GCC2: variants seen among roughly 807,000 people sequenced by gnomAD.
GCC2 encodes the protein GRIP and coiled-coil domain-containing protein 2.
A neutral mutation model predicts 210.6 loss-of-function variants in GCC2; 120 were observed. That is an observed-to-expected ratio of 0.57 (90% CI 0.49 to 0.66). The LOEUF (loss-of-function observed/expected upper bound fraction) is 0.66, where lower values mean the gene tolerates loss of function less well. Among genes scored for constraint, GCC2 ranks in the 30% least tolerant of loss-of-function variants. The pLI is 0.00. For synonymous variants in GCC2, 703 were observed against 652.7 expected, an observed-to-expected ratio of 1.08 and a Z score of -1.17; for missense variants, 1,868 against 1,871.9, an observed-to-expected ratio of 1.00 and a Z score of 0.04.
At chr2:108,501,232 G>T (rs60371152) in intron 22 of GCC2, among the ~76,000 whole-genome samples, 20 of 151,786 alleles carry the variant, frequency 1.3e-4, no homozygotes, top group Middle Eastern at 3.4e-3. Context: ...TGATCTGCCC[G>T]CCTTGGCCTC....
At position 108,487,661 on chromosome 2, in the gene GCC2, T is replaced by TA. The variant is rs755813209; in HGVS notation, c.3931-37dup. 5.1e-6 allele frequency: 8 copies of TA among 1,567,310 alleles called. No homozygotes were observed. The African/African-American group carries it at 9.7e-5, about 19-fold the overall frequency. ...CTGAAAGAAAATAGAAGGACCCTGTTACAGTAGAAAAACGTTTCTCTCTTT... is the reference window on the plus strand; with the variant it reads ...CTGAAAGAAAATAGAAGGACCCTGTTAACAGTAGAAAAACGTTTCTCTCTTT... On this transcript the variant is annotated intron_variant, in intron 16 of 22. Coordinates refer to ENST00000309863, the MANE Select transcript of GCC2 (RefSeq NM_181453.4).
At chr2:108,500,147 A>G (rs1009092470) in intron 22 of GCC2, among the ~76,000 whole-genome samples, 1 of 104,156 alleles carries the variant, frequency 9.6e-6, no homozygotes, top group Non-Finnish European at 2.1e-5. Context: ...ATAGCCTAAG[A>G]CAATGCAGTC....
Position 108,454,937 on chromosome 2 carries a change from G to A in GCC2, c.216+2471G>A, listed in dbSNP as rs191116759. 2.1e-3 allele frequency among the ~76,000 whole-genome samples: 315 copies of A among 151,200 alleles called. 3 individuals carry two copies. Among genetic ancestry groups the A allele is most frequent in the African/African-American group, 7.3e-3 (300 of 41,204 alleles). ...AGATAGGATTTCTCCCTATCGCCCA[G>A]GCTGGAGTGCAGTGGCGTGATCTCC... is the stretch of plus-strand genomic sequence containing the variant. On this transcript the variant is annotated intron_variant, in intron 4 of 22. Transcript: ENST00000309863.
Position 108,485,875 on chromosome 2 carries a change from G to A in GCC2, c.3759G>A (p.Leu1253=). The change falls in exon 15 of 23, where the codon CTG becomes CTA. Residue 1253 remains leucine, a synonymous_variant. Coordinates refer to ENST00000309863, the MANE Select transcript of GCC2 (RefSeq NM_181453.4). ...TTCAAGCATCTTTAAAAGGTGAGCT[G>A]GAGGCAAGCCAGCAGCAAGTAGAAG... ...LILQASLKGE[L]EASQQQVEVY... The A allele has an allele frequency of 1.3e-6, 2 of 1,589,758 alleles. No homozygotes were observed. The highest frequency in any genetic ancestry group is 1.4e-5 in the African/African-American group (1 of 73,888).
At position 108,492,584 on chromosome 2, in the gene GCC2, T is replaced by C; in HGVS notation, c.4241T>C (p.Ile1414Thr). 1 of 1,606,100 alleles carries C rather than the reference T, an allele frequency of 6.2e-7. No homozygotes were observed. The highest frequency in any genetic ancestry group is 8.5e-7 in the Non-Finnish European group (1 of 1,172,706). ...EAELREKLCS[I>T]QSENMMMKSE... ...TTCTCATCTTTCAGATTGTGTTCAATACAGTCAGAGAACATGATGATGAAA... is the reference window on the plus strand; with the variant it reads ...TTCTCATCTTTCAGATTGTGTTCAACACAGTCAGAGAACATGATGATGAAA... The change falls in exon 19 of 23, where the codon ATA becomes ACA. Residue 1414 changes from isoleucine (I) to threonine (T), a missense_variant. By Grantham distance (89) the Ile-to-Thr change is moderately conservative. Coordinates refer to ENST00000309863, the MANE Select transcript of GCC2 (RefSeq NM_181453.4).
chr2:108,470,262 A>C lies in GCC2; in HGVS notation c.933A>C (p.Gln311His), dbSNP rs934492136. ...NLRKATSNAN[Q>H]DNQICSILLQ... Reference sequence around the variant, plus strand: ...GGAAAGCCACCTCAAATGCAAACCAAGACAATCAGATATGTTCTATTCTCT... The same window carrying C: ...GGAAAGCCACCTCAAATGCAAACCACGACAATCAGATATGTTCTATTCTCT... The change falls in exon 6 of 23, where the codon CAA (glutamine) becomes CAC (histidine). Residue 311 changes from glutamine to histidine, a missense_variant. This residue lies in a region of GCC2 where 1,847 missense variants were observed against 1,765.2 expected (regional missense o/e 1.05). Transcript: ENST00000309863. 4 of 1,613,698 alleles carry C rather than the reference A, an allele frequency of 2.5e-6. No homozygotes were observed. The East Asian group carries it at 8.9e-5, about 36-fold the overall frequency.
intron 4 of GCC2, among the ~76,000 whole-genome samples, chr2:108,459,836 A>C (rs1457085616): frequency 7.2e-6 from 1 of 139,346 alleles, no homozygotes; most frequent in Non-Finnish European, 1.5e-5. Context: ...AGCCTGAGGC[A>C]GAAGAATCGC....
chr2:108,459,745 CTTTTTTTTTT>C (rs34052393), intron 4 of GCC2, among the ~76,000 whole-genome samples: 19 of 26,784 alleles, frequency 7.1e-4, no homozygotes, highest in East Asian at 6.5e-3. Context: ...CCTTCTTTGT[CTTTTTTTTTT>C]TTTTTTTTTT....
At position 108,486,497 on chromosome 2, in the gene GCC2, A is replaced by G; in HGVS notation, c.3793-14A>G. ...TAGGATTTGCTAAAGCTAAATTTAA[A>G]GATTTACCCCCAGATACAGCTGGCT... On this transcript the variant is annotated splice_polypyrimidine_tract_variant and intron_variant, in intron 15 of 22. Transcript: ENST00000309863. The G allele has an allele frequency of 6.2e-7, 1 of 1,613,516 alleles. No homozygotes were observed.
chr2:108,453,801 A>AC (rs948485965), intron 4 of GCC2, among the ~76,000 whole-genome samples: 3 of 149,566 alleles, frequency 2.0e-5, no homozygotes, highest in Non-Finnish European at 4.5e-5. Flanking sequence ...AAAAAAAAAA[A>AC]ACACAAAAAA....
chr2:108,470,691 A>C lies in GCC2; in HGVS notation c.1362A>C (p.Thr454=), dbSNP rs1681152759. 1 of 1,609,882 alleles carries C rather than the reference A, an allele frequency of 6.2e-7. No individual in the cohort carries two copies. Among genetic ancestry groups the C allele is most frequent in the Non-Finnish European group, 8.5e-7 (1 of 1,178,036 alleles). The change falls in exon 6 of 23, where the codon ACA becomes ACC. Residue 454 remains threonine (T), a synonymous_variant. Coordinates refer to ENST00000309863, the MANE Select transcript of GCC2 (RefSeq NM_181453.4). ...FLSDSEKEKL[T]LMFEIQGLKE... is the part of the protein sequence containing the mutation. ...CAGATTCAGAAAAAGAAAAATTAACATTAATGTTTGAAATACAGGGTCTTA... is the reference window on the plus strand; with the variant it reads ...CAGATTCAGAAAAAGAAAAATTAACCTTAATGTTTGAAATACAGGGTCTTA...
chr2:108,504,118 T>C (rs1272834242), intron 22 of GCC2, among the ~76,000 whole-genome samples: 1 of 151,864 alleles, frequency 6.6e-6, no homozygotes, highest in Non-Finnish European at 1.5e-5. Context: ...TAAAACCCCA[T>C]CTTTAAAAAA....
At position 108,485,853 on chromosome 2, in the gene GCC2, A is replaced by G. The variant is rs1050094389; in HGVS notation, c.3737A>G (p.Gln1246Arg). ...TAGGAAACTGATCACTTAATACTTC[A>G]AGCATCTTTAAAAGGTGAGCTGGAG... ...KQAETDHLIL[Q>R]ASLKGELEAS... The change falls in exon 15 of 23, where the codon CAA becomes CGA. Residue 1246 changes from glutamine (Q) to arginine (R), a missense_variant. This residue lies in a region of GCC2 where 1,847 missense variants were observed against 1,765.2 expected (regional missense o/e 1.05). Transcript: ENST00000309863. The G allele has an allele frequency of 1.9e-6, 3 of 1,590,630 alleles. No individual in the cohort carries two copies. Among genetic ancestry groups the G allele is most frequent in the East Asian group, 2.2e-5 (1 of 44,586 alleles).
At chr2:108,461,830 CTTTTTCTT>C (rs1399770466) in intron 4 of GCC2, among the ~76,000 whole-genome samples, 3 of 124,078 alleles carry the variant, frequency 2.4e-5, no homozygotes, top group African/African-American at 6.3e-5. Flanking sequence ...TTTTTTTTTT[CTTTTTCTT>C]TTTTTTTTTT....
chr2:108,485,346 G>T (rs1470380437), intron 13 of GCC2, among the ~76,000 whole-genome samples: 2 of 150,288 alleles, frequency 1.3e-5, no homozygotes, highest in Admixed American at 1.3e-4. Context: ...AAAAAAAAAA[G>T]ATGTTTGTAG....
At chr2:108,457,540 T>C (rs550881903) in intron 4 of GCC2, among the ~76,000 whole-genome samples, 1 of 152,342 alleles carries the variant, frequency 6.6e-6, no homozygotes, top group South Asian at 2.1e-4. Context: ...GTTGGTATTT[T>C]AATAGGGATT....
Position 108,482,464 on chromosome 2 carries a change from C to G in GCC2, c.3345+13C>G. 7.5e-7 allele frequency: 1 copy of G among 1,339,402 alleles called. No homozygotes were observed. Among genetic ancestry groups the G allele is most frequent in the Non-Finnish European group, 1.1e-6 (1 of 944,536 alleles). 83.0% of individuals were successfully genotyped at this position (1,339,402 alleles called of 1,614,324 possible). On this transcript the variant is annotated intron_variant, in intron 11 of 22. Coordinates refer to ENST00000309863, the MANE Select transcript of GCC2 (RefSeq NM_181453.4). ...ACAGAAGATAAAGGTAAAAACAATCCTATGAGATTGATTCACATATATATG... is the reference window on the plus strand; with the variant it reads ...ACAGAAGATAAAGGTAAAAACAATCGTATGAGATTGATTCACATATATATG...
At chr2:108,502,977 A>G (rs182774545) in intron 22 of GCC2, among the ~76,000 whole-genome samples, 2 of 152,226 alleles carry the variant, frequency 1.3e-5, no homozygotes, top group Admixed American at 6.5e-5. Flanking sequence ...GAAATTACAC[A>G]GAATTCAGCA....
intron 12 of GCC2, among the ~76,000 whole-genome samples, chr2:108,483,399 A>G (rs1405108184): frequency 1.3e-5 from 2 of 151,906 alleles, no homozygotes; most frequent in Non-Finnish European, 2.9e-5. Context: ...AATTTTTTGT[A>G]TTTTGGGTAG....
Sources: allele counts gnomAD v4.1 joint callset (sites outside exome capture counted in the v4.1 genomes callset), GRCh38; gene constraint gnomAD v4.1.1; regional missense constraint gnomAD v4.1.1; transcripts MANE v1.5; gene names NCBI Gene and HGNC (gene_info 2026-07-23, HGNC 2026-07-21).